Variants in PRKD2 observed in about 807,000 individuals in gnomAD.
The protein encoded by PRKD2 is serine/threonine-protein kinase D2.
Under a neutral mutation model 86.0 loss-of-function variants are expected in PRKD2, and 22 were observed. The observed-to-expected ratio is 0.26, with a 90% CI of 0.18 to 0.37. The LOEUF (loss-of-function observed/expected upper bound fraction) is 0.37, where lower values mean the gene tolerates loss of function less well. PRKD2 is among the 10% of genes least tolerant of loss of function. The probability of loss-of-function intolerance (pLI) is 1.00; values close to 1 mark genes in which losing one functional copy is unlikely to be tolerated. For missense variants in PRKD2, 818 were observed against 1,199.2 expected (o/e 0.68, Z 4.70); for synonymous variants, 509 against 510.9 (o/e 1.00, Z 0.05).
Position 46,678,806 on chromosome 19 carries a change from AC to A in PRKD2, c.2071-144del, listed in dbSNP as rs2053252284. ...GGCTCCTTGGCTCACTAGCTGAGCA[AC>A]CCTGGGCAGGTGACTTCCCCCCTCT... On this transcript the variant is annotated intron_variant, in intron 15 of 17. Transcript: ENST00000291281. The surrounding 1 kb of genome is among the most constrained non-coding windows in gnomAD (Gnocchi z 5.7). 1 of 1,001,068 alleles carries A rather than the reference AC, an allele frequency of 1.0e-6. No individual in the cohort carries two copies. Among genetic ancestry groups the A allele is most frequent in the African/African-American group, 1.6e-5 (1 of 60,636 alleles). The allele number at this position is 1,001,068 out of a possible 1,614,324, so 62.0% of individuals were successfully genotyped here.
intron 5 of PRKD2, among the ~76,000 whole-genome samples, chr19:46,701,507 C>T (rs189695851): frequency 4.0e-5 from 6 of 151,800 alleles, no homozygotes; most frequent in South Asian, 4.2e-4. Context: ...CCCACTACCA[C>T]GCCCAGCTGA....
chr19:46,676,128 G>A (rs981312995), intron 16 of PRKD2, among the ~76,000 whole-genome samples: 5 of 152,080 alleles, frequency 3.3e-5, no homozygotes, highest in Non-Finnish European at 7.4e-5. Context: ...GTGCAAATCA[G>A]GGAGCATCTA....
At chr19:46,704,053 C>A in intron 5 of PRKD2, 116 bp downstream of exon 5, 1 of 1,458,094 alleles carries the variant, frequency 6.9e-7, no homozygotes, top group East Asian at 2.4e-5. Context: ...TCAGGGCCCT[C>A]CCCTTCTGAG....
chr19:46,705,562 G>C (rs1308474012), intron 3 of PRKD2, among the ~76,000 whole-genome samples: 2 of 152,090 alleles, frequency 1.3e-5, no homozygotes, highest in Non-Finnish European at 2.9e-5. Flanking sequence ...CAAGGCCGGC[G>C]GATCACTTGA....
intron 2 of PRKD2, among the ~76,000 whole-genome samples, chr19:46,712,268 C>T (rs1459819746): frequency 6.8e-6 from 1 of 148,108 alleles, no homozygotes; most frequent in African/African-American, 2.5e-5. Context: ...GGGCCGGGAG[C>T]GGTGGCTCAC....
intron 15 of PRKD2, among the ~76,000 whole-genome samples, chr19:46,680,557 G>A (rs1376107605): frequency 6.6e-6 from 1 of 152,064 alleles, no homozygotes; most frequent in Admixed American, 6.6e-5. Flanking sequence ...CCAAAGTGCT[G>A]GGATTATAGG....
chr19:46,703,993 A>ACACACACACACACAAC (rs1568732338), intron 5 of PRKD2, among the ~76,000 whole-genome samples, 176 bp downstream of exon 5: 1 of 149,424 alleles, frequency 6.7e-6, no homozygotes, highest in Non-Finnish European at 1.5e-5. Context: ...ACACACACAC[A>ACACACACACACACAAC]ACTGAGGTTC....
intron 2 of PRKD2, among the ~76,000 whole-genome samples, chr19:46,712,339 G>C (rs905917616): frequency 6.6e-6 from 1 of 151,902 alleles, no homozygotes; most frequent in Non-Finnish European, 1.5e-5. Flanking sequence ...TCAGCAGTTC[G>C]AGACCAGCCT....
intron 2 of PRKD2, 101 bp downstream of exon 2, chr19:46,713,761 AC>A: frequency 8.8e-7 from 1 of 1,134,760 alleles, no homozygotes; most frequent in Non-Finnish European, 1.2e-6. Flanking sequence ...GTGAGCCACT[AC>A]ACCCGGCCTC....
At chr19:46,715,707 G>T (rs2053872200) in intron 1 of PRKD2, among the ~76,000 whole-genome samples, 1 of 151,892 alleles carries the variant, frequency 6.6e-6, no homozygotes, top group Non-Finnish European at 1.5e-5. Flanking sequence ...GCTAACTCAA[G>T]CACCTGCACC....
At chr19:46,689,437 G>T in intron 14 of PRKD2, 100 bp downstream of exon 14, 1 of 1,351,744 alleles carries the variant, frequency 7.4e-7, no homozygotes, top group Non-Finnish European at 1.0e-6. Context: ...CTGCTATTGT[G>T]ACTCCCCCAA....
chr19:46,689,735 C>CCACAAACT (rs1190908446), intron 13 of PRKD2, 37 bp from the exon 14 acceptor site: 6 of 1,611,844 alleles, frequency 3.7e-6, no homozygotes, highest in Non-Finnish European at 5.1e-6. Context: ...CCCAGGTAAC[C>CCACAAACT]CACAAACTCA....
rs187027015 is a variant in PRKD2 at position 46,696,523 on chromosome 19, G to A, written c.1317+634C>T. Among the ~76,000 whole-genome samples, 155 of 152,240 alleles carry A rather than the reference G, an allele frequency of 1.0e-3. 1 individual carries two copies. Among genetic ancestry groups the A allele is most frequent in the African/African-American group, 3.5e-3 (145 of 41,560 alleles). On this transcript the variant is annotated intron_variant, in intron 9 of 17. Transcript: ENST00000291281. The stretch of plus-strand genomic sequence containing the variant: ...GCCTGTAATCCCAGCACTTTGGGAG[G>A]CCGAGGGGGGCAGATCATGAGGTCA...
At chr19:46,703,993 A>ACACAC (rs1568732338) in intron 5 of PRKD2, among the ~76,000 whole-genome samples, 176 bp downstream of exon 5, 6 of 149,414 alleles carry the variant, frequency 4.0e-5, no homozygotes, top group South Asian at 4.3e-4. Context: ...ACACACACAC[A>ACACAC]ACTGAGGTTC....
In PRKD2 at chr19:46,691,720, C is replaced by T. The variant is rs372614088; in HGVS notation, c.1702+15G>A. On this transcript the variant is annotated intron_variant, in intron 12 of 17. Transcript: ENST00000291281. Reference sequence around the variant, plus strand: ...GCCCGGGGCTCCCTCTGGGTTAGCTCTGAAGTGTCCTCACCTCCATAGACC... The same window carrying T: ...GCCCGGGGCTCCCTCTGGGTTAGCTTTGAAGTGTCCTCACCTCCATAGACC... 4 of 1,612,020 alleles carry T rather than the reference C, an allele frequency of 2.5e-6. 1 individual carries two copies. The highest frequency in any genetic ancestry group is 2.2e-5 in the South Asian group (2 of 90,994).
rs763332830 is a variant in PRKD2 at position 46,697,160 on chromosome 19, A to G, written c.1314T>C (p.Tyr438=). ...LFQNNTTNRY[Y]KEIPLSEILT... is the part of the protein sequence containing the mutation. ...AGCTGAAAGCCCGGAGGCTTACCTT[A>G]TAGTATCTGTTGGTCGTGTTGTTCT... Residue 438 remains tyrosine, a synonymous_variant, in exon 9 of 18, where the codon TAT becomes TAC. Transcript: ENST00000291281. 5.7e-6 allele frequency: 9 copies of G among 1,575,630 alleles called. No homozygotes were observed. Among genetic ancestry groups the G allele is most frequent in the Non-Finnish European group, 7.9e-6 (9 of 1,145,116 alleles).
chr19:46,700,989 G>A, intron 6 of PRKD2, 37 bp from the exon 7 acceptor site: 1 of 1,614,234 alleles, frequency 6.2e-7, no homozygotes, highest in Non-Finnish European at 8.5e-7. Context: ...TCTCCACCCA[G>A]TCCTGCCCCT....
intron 13 of PRKD2, 66 bp downstream of exon 13, chr19:46,690,534 C>G: frequency 6.7e-7 from 1 of 1,492,420 alleles, no homozygotes; most frequent in Non-Finnish European, 9.3e-7. Flanking sequence ...TCCCTGACCA[C>G]CCCTACACTG....
intron 3 of PRKD2, among the ~76,000 whole-genome samples, chr19:46,708,641 C>T (rs1197401737): frequency 6.6e-6 from 1 of 152,142 alleles, no homozygotes; most frequent in African/African-American, 2.4e-5. Flanking sequence ...TACCAGGGAT[C>T]TCTCTCTCCG....
Sources: gnomAD v4.1 joint callset for allele counts (sites outside exome capture counted in the v4.1 genomes callset) on GRCh38, gnomAD v4.1.1 for gene constraint, Gnocchi (gnomAD v3.1) non-coding constraint, MANE v1.5 for transcripts, NCBI Gene and HGNC (gene_info 2026-07-23, HGNC 2026-07-21) for gene names.